The following FGF13 variants were observed in gnomAD, a reference collection of about 807,000 sequenced individuals.
The protein encoded by FGF13 is fibroblast growth factor homologous factor 2.
FGF13 carries 2 observed loss-of-function variants against 19.5 expected under a neutral mutation model. The observed-to-expected ratio is 0.10, with a 90% CI of 0.04 to 0.32. FGF13 has a LOEUF of 0.32. Ranked by LOEUF, FGF13 falls within the 10% of genes least tolerant of loss-of-function variation. The probability of loss-of-function intolerance (pLI) is 1.00; values close to 1 mark genes in which losing one functional copy is unlikely to be tolerated. For missense variants in FGF13, 113 were observed against 192.7 expected, an observed-to-expected ratio of 0.59 and a Z score of 2.45; for synonymous variants, 72 against 76.9, an observed-to-expected ratio of 0.94 and a Z score of 0.33.
At chrX:138,974,386 T>C (rs746760052) in intron 1 of FGF13, among the ~76,000 whole-genome samples, 1 of 111,613 alleles carries the variant, frequency 9.0e-6, no homozygotes, top group Non-Finnish European at 1.9e-5. Flanking sequence ...GGAAATATAG[T>C]GGAGCTCTCT....
intron 3 of FGF13, among the ~76,000 whole-genome samples, chrX:138,673,864 C>T (rs1249299362): frequency 2.7e-5 from 3 of 110,472 alleles, no homozygotes; most frequent in African/African-American, 9.9e-5. Context: ...TCCATAGTAA[C>T]AAAGAAAAAG....
intron 3 of FGF13, among the ~76,000 whole-genome samples, chrX:138,646,078 AT>A (rs375848290): frequency 9.8e-5 from 11 of 112,406 alleles, no homozygotes; most frequent in African/African-American, 3.2e-4. Context: ...ATAATGAAAA[AT>A]ATAACAGTAT....
intron 1 of FGF13, among the ~76,000 whole-genome samples, chrX:139,200,110 A>G (rs2084403781): frequency 8.9e-6 from 1 of 112,096 alleles, no homozygotes; most frequent in Admixed American, 9.5e-5. Flanking sequence ...CACTGTATGT[A>G]AAACCATGGG....
At chrX:138,649,888 T>C (rs1280096364) in intron 3 of FGF13, among the ~76,000 whole-genome samples, 5 of 112,344 alleles carry the variant, frequency 4.5e-5, no homozygotes, top group African/African-American at 1.6e-4. Context: ...ATGTGTGGTA[T>C]CACCTCTGGC....
At chrX:139,175,833 T>C (rs2084177297) in intron 1 of FGF13, among the ~76,000 whole-genome samples, 2 of 112,296 alleles carry the variant, frequency 1.8e-5, no homozygotes, top group Non-Finnish European at 3.8e-5. Flanking sequence ...TGCATCTATG[T>C]TCATCATGGA....
intron 3 of FGF13, among the ~76,000 whole-genome samples, chrX:138,818,684 C>T (rs1477615179): frequency 1.1e-4 from 12 of 110,799 alleles, no homozygotes; most frequent in Non-Finnish European, 5.7e-5. Context: ...ACAAGCAATT[C>T]GGTATGTGCT....
downstream of FGF13, among the ~76,000 whole-genome samples, chrX:138,853,074 T>C (rs907213187): frequency 1.8e-5 from 2 of 111,910 alleles, no homozygotes; most frequent in East Asian, 2.8e-4. Flanking sequence ...AACCTAGTTA[T>C]GTCTTTCCTG....
rs1265417013 is a variant in FGF13 at position 138,667,170 on chromosome X, A to G, written c.403-31515T>C. On this transcript the variant is annotated intron_variant, in intron 3 of 4. Coordinates refer to ENST00000315930, the MANE Select transcript of FGF13 (RefSeq NM_004114.5). The stretch of plus-strand genomic sequence containing the variant: ...TTATACATATATATAAAATACGTAT[A>G]TATTACATGAAGATATATATGTATA... Among the ~76,000 whole-genome samples the G allele has an allele frequency of 2.3e-4, 25 of 107,660 alleles. No individual in the cohort carries two copies. In the Admixed American group the frequency reaches 2.5e-3, roughly 11 times the overall value. The allele number at this position is 107,660 out of a possible 115,157, so 93.5% of individuals were successfully genotyped here.
At chrX:138,756,736 G>A (rs994486894) in intron 3 of FGF13, among the ~76,000 whole-genome samples, 1 of 111,625 alleles carries the variant, frequency 9.0e-6, no homozygotes, top group African/African-American at 3.3e-5. Context: ...ACATTACATT[G>A]TCAGTCTGGG....
At chrX:139,000,996 A>C (rs192146627) in intron 1 of FGF13, among the ~76,000 whole-genome samples, 1 of 111,887 alleles carries the variant, frequency 8.9e-6, no homozygotes, top group African/African-American at 3.3e-5. Context: ...GATATAGATC[A>C]ATGGAACAGA....
Position 138,737,909 on chromosome X carries a change from T to C in FGF13, c.28+1333A>G, listed in dbSNP as rs62602172. ...TTAGAGACATGAATTGTGGAAATAA[T>C]CAGAAAATTAAATGTTGAACTAATC... On this transcript the variant is annotated intron_variant, in intron 1 of 4. Transcript: ENST00000305414. 7.2e-3 allele frequency among the ~76,000 whole-genome samples: 811 copies of C among 112,561 alleles called. 4 individuals are homozygous for C. The highest frequency in any genetic ancestry group is 0.013 in the African/African-American group (405 of 31,094).
intron 1 of FGF13, among the ~76,000 whole-genome samples, chrX:139,045,406 C>A (rs913744714): frequency 1.8e-5 from 2 of 112,489 alleles, no homozygotes; most frequent in African/African-American, 6.5e-5. Context: ...GATATTATCA[C>A]TTGGTTCACT....
chrX:138,776,359 A>G (rs1393255448), intron 3 of FGF13, among the ~76,000 whole-genome samples: 4 of 112,475 alleles, frequency 3.6e-5, no homozygotes, highest in Non-Finnish European at 7.5e-5. Flanking sequence ...ATCTCGTAAG[A>G]ACCTTACGAG....
intron 3 of FGF13, among the ~76,000 whole-genome samples, chrX:138,838,169 T>C (rs767802131): frequency 5.4e-4 from 60 of 112,010 alleles, no homozygotes; most frequent in African/African-American, 1.9e-3. Context: ...GCTGGAATTC[T>C]AAACCAGTGG....
At chrX:138,867,440 C>G (rs1249051072) in intron 1 of FGF13, among the ~76,000 whole-genome samples, 1 of 110,189 alleles carries the variant, frequency 9.1e-6, no homozygotes, top group Non-Finnish European at 1.9e-5. Context: ...TTTCATGCTG[C>G]TGATAAAGAC....
intron 1 of FGF13, among the ~76,000 whole-genome samples, chrX:138,963,459 C>A (rs1006913470): frequency 2.7e-5 from 3 of 112,610 alleles, no homozygotes; most frequent in Non-Finnish European, 3.7e-5. Flanking sequence ...TTCTCTTTGA[C>A]CCCACCTTGC....
chrX:138,981,929 A>G (rs181543499), intron 1 of FGF13, among the ~76,000 whole-genome samples: 1 of 111,459 alleles, frequency 9.0e-6, no homozygotes, highest in Admixed American at 9.6e-5. Context: ...CACACTGGAC[A>G]TCTGATCAGA....
chrX:138,823,300 G>A (rs1378277653), intron 3 of FGF13, among the ~76,000 whole-genome samples: 1 of 111,368 alleles, frequency 9.0e-6, no homozygotes, highest in Non-Finnish European at 1.9e-5. Context: ...GCACTAGGAG[G>A]AGTGCATGAT....
At chrX:139,062,546 C>T (rs771561975) in intron 1 of FGF13, among the ~76,000 whole-genome samples, 39 of 111,595 alleles carry the variant, frequency 3.5e-4, no homozygotes, top group African/African-American at 1.1e-3. Flanking sequence ...TCTATGATTC[C>T]GCACAAATTT....
Sources: gnomAD v4.1 joint callset for allele counts (sites outside exome capture counted in the v4.1 genomes callset) on GRCh38, gnomAD v4.1.1 for gene constraint, MANE v1.5 for transcripts, NCBI Gene and HGNC (gene_info 2026-07-23, HGNC 2026-07-21) for gene names.